Variants in ADGRG1 observed in about 807,000 individuals in gnomAD.
The protein encoded by ADGRG1 is 7-transmembrane protein with no EGF-like N-terminal domains-1.
Under a neutral mutation model 73.5 loss-of-function variants are expected in ADGRG1, and 53 were observed. The observed-to-expected ratio is 0.72, with a 90% CI of 0.58 to 0.91. The LOEUF (loss-of-function observed/expected upper bound fraction) is 0.91, where lower values mean the gene tolerates loss of function less well. ADGRG1 is among the 40% of genes least tolerant of loss of function. The pLI is 0.00. For missense variants in ADGRG1, 795 were observed against 871.8 expected (o/e 0.91, Z 1.11); for synonymous variants, 394 against 374.4 (o/e 1.05, Z -0.60).
Position 57,656,593 on chromosome 16 carries a change from C to T in ADGRG1, c.1143C>T (p.His381=), listed in dbSNP as rs746825547. The T allele has an allele frequency of 5.0e-6, 8 of 1,611,898 alleles. No individual in the cohort carries two copies. The East Asian group carries it at 1.1e-4, about 22-fold the overall frequency. The change falls in exon 9 of 14, where the codon CAC becomes CAT. Residue 381 remains histidine, a synonymous_variant. Coordinates refer to ENST00000562631, the MANE Select transcript of ADGRG1 (RefSeq NM_201525.4). ...RETQTSCFCN[H]LTYFAVLMVS... The stretch of plus-strand genomic sequence containing the variant: ...CCCAAACATCCTGCTTCTGCAACCA[C>T]TTGACCTACTTTGCAGTGCTGATGG...
At chr16:57,642,434 G>A in intron 1 of ADGRG1, 4 of 985,298 alleles carry the variant, frequency 4.1e-6, no homozygotes, top group Non-Finnish European at 4.8e-6. Flanking sequence ...AGGGGAGGGG[G>A]CTGGAGGTGC....
chr16:57,655,575 T>G, intron 6 of ADGRG1, 45 bp downstream of exon 6: 1 of 1,612,698 alleles, frequency 6.2e-7, no homozygotes, highest in Middle Eastern at 1.6e-4. Context: ...AAGCAGTTTT[T>G]TTCTGACAGA....
At chr16:57,635,977 G>C in intron 1 of ADGRG1, 1 of 985,328 alleles carries the variant, frequency 1.0e-6, no homozygotes, top group Non-Finnish European at 1.2e-6. Context: ...GCTCTGCCTC[G>C]TGAGTCTCTG....
rs1202731123 is a variant in ADGRG1 at position 57,661,905 on chromosome 16, G to T, written c.1873G>T (p.Ala625Ser). The T allele has an allele frequency of 1.1e-5, 18 of 1,614,240 alleles. No individual in the cohort carries two copies. The highest frequency in any genetic ancestry group is 1.4e-5 in the Non-Finnish European group (17 of 1,180,036). ...CTGGGCCTTGATCTTCTTCTCCTTTGCTTCTGGCACCTTCCAGCTTGTCGT... is the reference window on the plus strand; with the variant it reads ...CTGGGCCTTGATCTTCTTCTCCTTTTCTTCTGGCACCTTCCAGCTTGTCGT... ...LPWALIFFSF[A>S]SGTFQLVVLY... The change falls in exon 13 of 14, where the codon GCT becomes TCT. Residue 625 changes from alanine (A) to serine (S), a missense_variant. Transcript: ENST00000562631.
At chr16:57,662,414 G>C (rs894854461) in intron 13 of ADGRG1, among the ~76,000 whole-genome samples, 1 of 73,428 alleles carries the variant, frequency 1.4e-5, no homozygotes, top group African/African-American at 3.6e-5. Flanking sequence ...TGGAGAGATG[G>C]GGGGGCCTCC....
intron 1 of ADGRG1, chr16:57,645,964 T>A (rs2042536865): frequency 6.6e-6 from 1 of 152,198 alleles, no homozygotes; most frequent in African/African-American, 2.4e-5. Flanking sequence ...GGCTAAGTGC[T>A]ATCCAAGGCA....
intron 1 of ADGRG1, chr16:57,637,577 GA>G: frequency 2.0e-6 from 2 of 985,408 alleles, no homozygotes; most frequent in Non-Finnish European, 2.4e-6. Context: ...GCCTTTCCGG[GA>G]GAAGGTTTCA....
At chr16:57,635,706 C>T in intron 1 of ADGRG1, 1 of 985,396 alleles carries the variant, frequency 1.0e-6, no homozygotes. Context: ...CCCTTTCCCT[C>T]TCTATGGAGT....
At chr16:57,624,743 C>T (rs79053648), upstream of ADGRG1, 1 of 981,932 alleles carries the variant, frequency 1.0e-6, no homozygotes, top group African/African-American at 1.8e-5. Flanking sequence ...ACCCCTTATC[C>T]CTGTCCTGAG....
intron 13 of ADGRG1, 103 bp downstream of exon 13, chr16:57,662,068 C>T: frequency 1.1e-6 from 1 of 910,874 alleles, no homozygotes; most frequent in South Asian, 1.3e-5. Context: ...CTTCTCTGGG[C>T]CTCAGTCATC....
At chr16:57,626,734 G>A (rs999289101), upstream of ADGRG1, 2 of 985,234 alleles carry the variant, frequency 2.0e-6, no homozygotes, top group African/African-American at 1.7e-5. Context: ...TGGTGGTGGT[G>A]GGGGGACAGC....
Position 57,649,782 on chromosome 16 carries a change from G to A in ADGRG1, c.-35-471G>A, listed in dbSNP as rs1257148454. Among the ~76,000 whole-genome samples, 8 of 151,158 alleles carry A rather than the reference G, an allele frequency of 5.3e-5. No individual in the cohort carries two copies. In the East Asian group the frequency reaches 1.0e-3, roughly 20 times the overall value. On this transcript the variant is annotated intron_variant, in intron 1 of 13. Transcript: ENST00000562631. Reference sequence around the variant, plus strand: ...CTGGACTCTGGACAGCCACTCCCCCGCCTTTTTTTTTTTAAAGCAGGGTCT... The same window carrying A: ...CTGGACTCTGGACAGCCACTCCCCCACCTTTTTTTTTTTAAAGCAGGGTCT...
At chr16:57,634,485 C>T in intron 1 of ADGRG1, 1 of 984,830 alleles carries the variant, frequency 1.0e-6, no homozygotes, top group Non-Finnish European at 1.2e-6. Context: ...CTACAAAGAC[C>T]CTCATTCAAT....
intron 1 of ADGRG1, among the ~76,000 whole-genome samples, chr16:57,644,537 GC>G (rs1365525841): frequency 1.8e-5 from 2 of 110,000 alleles, no homozygotes; most frequent in African/African-American, 7.2e-5. Context: ...ACACACATGC[GC>G]AGGCACACAC....
intron 1 of ADGRG1, chr16:57,644,994 A>G (rs553288723): frequency 7.3e-5 from 60 of 824,632 alleles, no homozygotes; most frequent in Non-Finnish European, 8.3e-5. Context: ...ATGCACACAC[A>G]CATGCACACT....
intron 1 of ADGRG1, chr16:57,635,516 C>T: frequency 1.0e-6 from 1 of 985,262 alleles, no homozygotes; most frequent in Non-Finnish European, 1.2e-6. Context: ...GCCCCAGGGT[C>T]CCGTCTCTGT....
At chr16:57,649,067 TAGAG>T (rs1338447709) in intron 1 of ADGRG1, among the ~76,000 whole-genome samples, 6 of 152,176 alleles carry the variant, frequency 3.9e-5, no homozygotes. Context: ...GCTCAGCTAA[TAGAG>T]AGCTTAGGGG....
intron 1 of ADGRG1, among the ~76,000 whole-genome samples, chr16:57,629,779 C>G (rs957400889): frequency 6.6e-6 from 1 of 152,182 alleles, no homozygotes; most frequent in Non-Finnish European, 1.5e-5. Flanking sequence ...ACTGATAGGA[C>G]TTCCCACCCT....
intron 6 of ADGRG1, 138 bp from the exon 7 acceptor site, chr16:57,655,738 G>A: frequency 1.2e-6 from 2 of 1,605,500 alleles, no homozygotes; most frequent in Non-Finnish European, 1.7e-6. Flanking sequence ...ATGGGCAAAA[G>A]TGGTTCCAGA....
Sources: gnomAD v4.1 joint callset for allele counts (sites outside exome capture counted in the v4.1 genomes callset) on GRCh38, gnomAD v4.1.1 for gene constraint, MANE v1.5 for transcripts, NCBI Gene and HGNC (gene_info 2026-07-23, HGNC 2026-07-21) for gene names.